Variants in ACACB observed in about 807,000 individuals in gnomAD.
The protein encoded by ACACB is acetyl-CoA carboxylase beta, also known as acetyl-CoA carboxylase 2.
ACACB carries 209 observed loss-of-function variants against 278.8 expected under a neutral mutation model. The observed-to-expected ratio is 0.75, with a 90% CI of 0.67 to 0.84. The LOEUF (loss-of-function observed/expected upper bound fraction) is 0.84, where lower values mean the gene tolerates loss of function less well. ACACB is among the 40% of genes least tolerant of loss of function. The probability of loss-of-function intolerance (pLI) is 0.00; values close to 1 mark genes in which losing one functional copy is unlikely to be tolerated. For synonymous variants in ACACB, 1,174 were observed against 1,285.6 expected, an observed-to-expected ratio of 0.91 and a Z score of 1.86; for missense variants, 2,850 against 3,269.0, an observed-to-expected ratio of 0.87 and a Z score of 3.13.
chr12:109,197,137 A>G lies in ACACB; in HGVS notation c.2611A>G (p.Lys871Glu). Residue 871 changes from lysine to glutamate, a missense_variant, in exon 17 of 53, where the codon AAG (lysine) becomes GAG (glutamate). Around this residue, in one of 3 missense-constraint regions of ACACB, gnomAD observed 2,265 missense variants for 2,561.3 expected, o/e 0.88. Coordinates refer to ENST00000338432, the MANE Select transcript of ACACB (RefSeq NM_001093.4). ...YNGNSYTTYM[K>E]EEVDSYRITI... is the part of the protein sequence containing the mutation. The stretch of plus-strand genomic sequence containing the variant: ...TGGGAACAGCTACACCACCTACATG[A>G]AGGAAGAGGTTGACAGGTGCGTGGG... The G allele has an allele frequency of 6.2e-7, 1 of 1,605,454 alleles. No individual in the cohort carries two copies. The highest frequency in any genetic ancestry group is 8.5e-7 in the Non-Finnish European group (1 of 1,176,284).
In ACACB at chr12:109,266,727, C is replaced by A. The variant is rs1212542263; in HGVS notation, c.*365C>A. On this transcript the variant is annotated 3_prime_UTR_variant, in exon 53 of 53. Coordinates refer to ENST00000338432, the MANE Select transcript of ACACB (RefSeq NM_001093.4). ...ATCCTTGGATACCACATCGTGAAAT[C>A]TTTTATTTTTTTACTCTGAGACCAG... The A allele has an allele frequency of 6.3e-6, 1 of 158,414 alleles. No homozygotes were observed. The highest frequency in any genetic ancestry group is 2.4e-5 in the African/African-American group (1 of 41,648). The allele number at this position is 158,414 out of a possible 1,614,324, so 9.8% of individuals were successfully genotyped here.
At chr12:109,115,593 C>CG, upstream of ACACB, among the ~76,000 whole-genome samples, 1 of 152,040 alleles carries the variant, frequency 6.6e-6, no homozygotes, top group East Asian at 1.9e-4. Flanking sequence ...TCCTTCACCC[C>CG]GGTTCCTGTA....
intron 7 of ACACB, among the ~76,000 whole-genome samples, chr12:109,174,929 A>G (rs951074861): frequency 6.6e-6 from 1 of 152,148 alleles, no homozygotes; most frequent in African/African-American, 2.4e-5. Context: ...TCACTAATGA[A>G]TATCTTTCTA....
intron 18 of ACACB, 74 bp from the exon 19 acceptor site, chr12:109,201,493 G>A: frequency 6.3e-7 from 1 of 1,575,770 alleles, no homozygotes; most frequent in Non-Finnish European, 8.7e-7. Flanking sequence ...CCCTGCTCCG[G>A]CATCACTAGT....
At chr12:109,112,771 C>G (rs1273151070), upstream of ACACB, among the ~76,000 whole-genome samples, 2 of 150,460 alleles carry the variant, frequency 1.3e-5, no homozygotes, top group South Asian at 2.1e-4. Flanking sequence ...TTTCATGTGT[C>G]AAGTCTGCTA....
chr12:109,213,478 G>T (rs923987805), intron 22 of ACACB, among the ~76,000 whole-genome samples: 17 of 152,198 alleles, frequency 1.1e-4, no homozygotes, highest in African/African-American at 3.6e-4. Flanking sequence ...TGCAAAAATT[G>T]TTATTGTGGC....
chr12:109,267,002 T>G lies in ACACB; in HGVS notation c.*640T>G, dbSNP rs534263442. 7.5e-4 allele frequency: 113 copies of G among 150,318 alleles called. No homozygotes were observed. Among genetic ancestry groups the G allele is most frequent in the African/African-American group, 2.8e-3 (113 of 40,828 alleles). 9.3% of individuals were successfully genotyped at this position (150,318 alleles called of 1,614,324 possible). On this transcript the variant is annotated 3_prime_UTR_variant, in exon 53 of 53. Transcript: ENST00000338432. ...GCAACCTCCATCTCCTGTCTCAGCCTCCTAGATAACTGGGATTACAGGTGC... is the reference window on the plus strand; with the variant it reads ...GCAACCTCCATCTCCTGTCTCAGCCGCCTAGATAACTGGGATTACAGGTGC...
rs752155886 is a variant in ACACB at position 109,209,217 on chromosome 12, C to T, written c.3113C>T (p.Pro1038Leu). 2.5e-5 allele frequency: 41 copies of T among 1,609,826 alleles called. No homozygotes were observed. The highest frequency in any genetic ancestry group is 4.5e-5 in the East Asian group (2 of 44,808). ...ATGACCCTCCGGCACCCGTCACTGCCGCTGCTGGAGCTGCAGGAGATCATG... is the reference window on the plus strand; with the variant it reads ...ATGACCCTCCGGCACCCGTCACTGCTGCTGCTGGAGCTGCAGGAGATCATG... ...LMMTLRHPSL[P>L]LLELQEIMTS... The change falls in exon 21 of 53, where the codon CCG becomes CTG. Residue 1038 changes from proline (P) to leucine (L), a missense_variant. By Grantham distance (98) the Pro-to-Leu change is moderately conservative (BLOSUM62 -3). This residue lies in a region of ACACB where 2,265 missense variants were observed against 2,561.3 expected (regional missense o/e 0.88). Transcript: ENST00000338432.
chr12:109,125,823 C>T (rs1448427896), intron 1 of ACACB, among the ~76,000 whole-genome samples: 2 of 152,172 alleles, frequency 1.3e-5, no homozygotes, highest in Non-Finnish European at 2.9e-5. Context: ...AGATCTCGTG[C>T]TCTAACCAAT....
intron 17 of ACACB, among the ~76,000 whole-genome samples, chr12:109,197,951 G>A (rs1302222894): frequency 6.6e-6 from 1 of 152,130 alleles, no homozygotes; most frequent in African/African-American, 2.4e-5. Context: ...CAGGAGTGCA[G>A]TGGCACCATC....
chr12:109,227,718 G>A (rs1050429985), intron 28 of ACACB, among the ~76,000 whole-genome samples: 17 of 152,226 alleles, frequency 1.1e-4, no homozygotes, highest in Non-Finnish European at 1.6e-4. Flanking sequence ...CAGTAGCCAT[G>A]TGTGCCTATT....
chr12:109,256,212 A>C lies in ACACB; in HGVS notation c.6239A>C (p.Gln2080Pro). Residue 2080 changes from glutamine to proline, a missense_variant, in exon 45 of 53, where the codon CAG becomes CCG. This residue lies in a region of ACACB where 579 missense variants were observed against 684.6 expected (regional missense o/e 0.85). Coordinates refer to ENST00000338432, the MANE Select transcript of ACACB (RefSeq NM_001093.4). ...AAGGAAATCATGGCACCCTGGGCGC[A>C]GACCGTGGTGACAGGACGAGCAAGG... is the stretch of plus-strand genomic sequence containing the variant. ...SFKEIMAPWA[Q>P]TVVTGRARLG... The C allele has an allele frequency of 6.2e-7, 1 of 1,613,978 alleles. No homozygotes were observed. Among genetic ancestry groups the C allele is most frequent in the Non-Finnish European group, 8.5e-7 (1 of 1,179,870 alleles).
chr12:109,136,753 T>G (rs2042974945), intron 1 of ACACB, among the ~76,000 whole-genome samples: 1 of 152,208 alleles, frequency 6.6e-6, no homozygotes, highest in Non-Finnish European at 1.5e-5. Flanking sequence ...TGTGTGTGTA[T>G]TATCTGGCAC....
In ACACB at chr12:109,191,668, G is replaced by T. The variant is rs145001704; in HGVS notation, c.2200G>T (p.Val734Leu). The T allele has an allele frequency of 1.9e-6, 3 of 1,614,188 alleles. No individual in the cohort carries two copies. The South Asian group carries it at 3.3e-5, about 18-fold the overall frequency. The change falls in exon 14 of 53, where the codon GTG (valine) becomes TTG (leucine). Residue 734 changes from valine to leucine, a missense_variant. Coordinates refer to ENST00000338432, the MANE Select transcript of ACACB (RefSeq NM_001093.4). ...LSIRGDFRTT[V>L]EYLINLLETE... Reference sequence around the variant, plus strand: ...CATCCGAGGCGACTTTAGGACTACCGTGGAATACCTCATTAACCTCCTGGA... The same window carrying T: ...CATCCGAGGCGACTTTAGGACTACCTTGGAATACCTCATTAACCTCCTGGA...
intron 22 of ACACB, 99 bp downstream of exon 22, chr12:109,213,035 A>C: frequency 1.0e-6 from 1 of 1,003,024 alleles, no homozygotes; most frequent in Non-Finnish European, 1.6e-6. Context: ...GGCAGGCTTG[A>C]ACTGAGAGAA....
At chr12:109,244,188 A>G (rs949218785) in intron 37 of ACACB, among the ~76,000 whole-genome samples, 3 of 152,176 alleles carry the variant, frequency 2.0e-5, no homozygotes, top group Non-Finnish European at 4.4e-5. Context: ...CATGAAACCA[A>G]GGTCAAGGAC....
At chr12:109,174,060 CG>C in intron 6 of ACACB, 71 bp from the exon 7 acceptor site, 1 of 1,346,048 alleles carries the variant, frequency 7.4e-7, no homozygotes, top group South Asian at 1.3e-5. Flanking sequence ...ACCGTGCACT[CG>C]GTCGGCCTTC....
chr12:109,244,743 C>T (rs1350938816), intron 37 of ACACB, among the ~76,000 whole-genome samples: 3 of 151,980 alleles, frequency 2.0e-5, no homozygotes, highest in Non-Finnish European at 4.4e-5. Flanking sequence ...CAGGCATGAG[C>T]CACCACACCC....
intron 17 of ACACB, among the ~76,000 whole-genome samples, chr12:109,198,589 AG>A (rs1452574646): frequency 6.6e-6 from 1 of 151,758 alleles, no homozygotes; most frequent in Non-Finnish European, 1.5e-5. Context: ...CCAGCAATTT[AG>A]GGGGTTGTGA....
Sources: gnomAD v4.1 joint callset for allele counts (sites outside exome capture counted in the v4.1 genomes callset) on GRCh38, gnomAD v4.1.1 for gene constraint, gnomAD v4.1.1 regional missense constraint, MANE v1.5 for transcripts, NCBI Gene and HGNC (gene_info 2026-07-23, HGNC 2026-07-21) for gene names.